Variants in UTP18 observed in about 807,000 individuals in gnomAD.
UTP18 encodes UTP18 small subunit processome component.
Under a neutral mutation model 61.1 loss-of-function variants are expected in UTP18, and 36 were observed. That is an observed-to-expected ratio of 0.59 (90% CI 0.45 to 0.78). The LOEUF (loss-of-function observed/expected upper bound fraction) is 0.78. UTP18 is among the 30% of genes least tolerant of loss of function. UTP18 has a pLI of 0.00. For missense variants in UTP18, 753 were observed against 693.9 expected, an observed-to-expected ratio of 1.09 and a Z score of -0.96; for synonymous variants, 282 against 251.1, an observed-to-expected ratio of 1.12 and a Z score of -1.16.
chr17:51,261,767 A>T (rs568962791), intron 1 of UTP18, among the ~76,000 whole-genome samples: 7 of 152,108 alleles, frequency 4.6e-5, no homozygotes, highest in African/African-American at 1.4e-4. Flanking sequence ...GGGCAGAGGA[A>T]AGCTCACCGA....
At chr17:51,261,030 G>A (rs951877776) in intron 1 of UTP18, 104 bp downstream of exon 1, 62 of 1,110,108 alleles carry the variant, frequency 5.6e-5, no homozygotes, top group Non-Finnish European at 7.0e-5. Context: ...GCGGCGGGGA[G>A]CGCTCAGGTG....
chr17:51,269,864 T>TGTGTCA (rs1904455189), intron 4 of UTP18, among the ~76,000 whole-genome samples: 3 of 151,898 alleles, frequency 2.0e-5, no homozygotes, highest in African/African-American at 7.3e-5. Context: ...TGTGTGTGTG[T>TGTGTCA]GTGTGTCAGT....
At chr17:51,269,227 C>T (rs183383425) in intron 4 of UTP18, among the ~76,000 whole-genome samples, 39 of 121,958 alleles carry the variant, frequency 3.2e-4, no homozygotes, top group Non-Finnish European at 4.9e-4. Context: ...GACTAGGGTG[C>T]AATAACCTGT....
intron 11 of UTP18, among the ~76,000 whole-genome samples, chr17:51,289,330 G>A (rs1447282112): frequency 2.0e-5 from 3 of 151,214 alleles, no homozygotes; most frequent in African/African-American, 7.3e-5. Context: ...CTGAGTAGCT[G>A]GGATTATAGG....
rs115113339 is a variant in UTP18, at chr17:51,271,707, G to T, written c.623-1655G>T. The stretch of plus-strand genomic sequence containing the variant: ...TTTTTTGAGTTAGTCTTGCTCTGTC[G>T]TGTAGGCTGGAGTGCAGTGGCACTA... On this transcript the variant is annotated intron_variant, in intron 4 of 13. Transcript: ENST00000225298. Among the ~76,000 whole-genome samples the T allele has an allele frequency of 3.5e-3, 537 of 152,218 alleles. 6 individuals are homozygous for T. Among genetic ancestry groups the T allele is most frequent in the African/African-American group, 0.012 (491 of 41,538 alleles).
chr17:51,282,877 T>C (rs1340918833), intron 9 of UTP18, among the ~76,000 whole-genome samples: 145 of 110,346 alleles, frequency 1.3e-3, no homozygotes, highest in African/African-American at 8.2e-3. Context: ...CTTTTTTTTT[T>C]TTTTTTTTTG....
At chr17:51,270,297 T>C (rs1904483601) in intron 4 of UTP18, among the ~76,000 whole-genome samples, 1 of 152,230 alleles carries the variant, frequency 6.6e-6, no homozygotes, top group Non-Finnish European at 1.5e-5. Context: ...GAAGCCTCTT[T>C]CCATGTTTGT....
At chr17:51,281,164 A>ATATAT (rs59857038) in intron 9 of UTP18, among the ~76,000 whole-genome samples, 6,509 of 140,270 alleles carry the variant, frequency 0.046, 239 homozygotes, top group Middle Eastern at 0.083. Context: ...ATATATATAT[A>ATATAT]TTTTTTTTAA....
chr17:51,267,993 TTTTTTTGTTTTTTG>T (rs934712351), intron 3 of UTP18, among the ~76,000 whole-genome samples: 2 of 144,460 alleles, frequency 1.4e-5, no homozygotes, highest in African/African-American at 5.2e-5. Flanking sequence ...CCAGTTGTTG[TTTTTTTGTTTTTTG>T]TTTTTTGTTT....
chr17:51,264,649 G>C (rs973007867), intron 2 of UTP18, among the ~76,000 whole-genome samples: 44 of 149,614 alleles, frequency 2.9e-4, no homozygotes, highest in Non-Finnish European at 5.3e-4. Flanking sequence ...TCTCTACCTA[G>C]TTTGTTTTGA....
rs921697379 is a variant in UTP18 at position 51,288,130 on chromosome 17, C to T, written c.1430C>T (p.Thr477Ile). The change falls in exon 11 of 14, where the codon ACT becomes ATT. Residue 477 changes from threonine to isoleucine, a missense_variant. Coordinates refer to ENST00000225298, the MANE Select transcript of UTP18 (RefSeq NM_016001.3). ...ATAATGAACTTGGTTACAGGTGTTA[C>T]TTCTCTGACCTTCAATCCTACTACA... Reference protein sequence around the residue: ...KAIMNLVTGVTSLTFNPTTEI... With the variant: ...KAIMNLVTGVISLTFNPTTEI... 2 of 1,609,660 alleles carry T rather than the reference C, an allele frequency of 1.2e-6. No individual in the cohort carries two copies. The highest frequency in any genetic ancestry group is 2.7e-5 in the African/African-American group (2 of 74,694).
At chr17:51,275,774 C>A in intron 5 of UTP18, 92 bp from the exon 6 acceptor site, 8 of 1,087,324 alleles carry the variant, frequency 7.4e-6, no homozygotes, top group African/African-American at 1.7e-5. Context: ...TTTTTTCCTT[C>A]ATTATAAACT....
chr17:51,281,045 G>T (rs1443468817), intron 9 of UTP18, among the ~76,000 whole-genome samples: 1 of 151,418 alleles, frequency 6.6e-6, no homozygotes, highest in Non-Finnish European at 1.5e-5. Flanking sequence ...AGGCATGCTG[G>T]CGCTCGCCTG....
At chr17:51,273,271 A>G in intron 4 of UTP18, 91 bp from the exon 5 acceptor site, 1 of 846,016 alleles carries the variant, frequency 1.2e-6, no homozygotes, top group Non-Finnish European at 1.7e-6. Context: ...AAGGGAGTTG[A>G]TGTTGAAAAT....
chr17:51,268,240 A>G (rs1034053614), intron 3 of UTP18, among the ~76,000 whole-genome samples: 3 of 152,000 alleles, frequency 2.0e-5, no homozygotes, highest in South Asian at 4.2e-4. Context: ...GTTAGCCAGG[A>G]TGGTCTCAAT....
intron 4 of UTP18, among the ~76,000 whole-genome samples, chr17:51,271,446 A>C: frequency 6.6e-6 from 1 of 152,026 alleles, no homozygotes; most frequent in Non-Finnish European, 1.5e-5. Flanking sequence ...AGCTAGGACT[A>C]CAGGCATGTG....
At chr17:51,293,400 C>T (rs1412877017) in intron 11 of UTP18, among the ~76,000 whole-genome samples, 1 of 152,054 alleles carries the variant, frequency 6.6e-6, no homozygotes, top group Non-Finnish European at 1.5e-5. Flanking sequence ...GAGAAATTAT[C>T]TGATGGGTAC....
intron 12 of UTP18, chr17:51,296,688 T>G (rs1005447132): frequency 3.1e-6 from 1 of 318,714 alleles, no homozygotes; most frequent in Non-Finnish European, 5.7e-6. Flanking sequence ...TGACTGGAAT[T>G]GACTGATGAC....
rs1458676647 is a variant in UTP18, at chr17:51,260,800, C to T, written c.216C>T (p.Leu72=). The part of the protein sequence containing the change: ...AVAAAEEERR[L]RQRNRLRLEE... ...CGGCGGCGGAGGAAGAGAGACGGCT[C>T]CGGCAGCGGAACCGCCTGAGGCTGG... Residue 72 remains leucine (L), a synonymous_variant, in exon 1 of 14, where the codon CTC becomes CTT. Transcript: ENST00000225298. The T allele has an allele frequency of 1.0e-5, 16 of 1,582,316 alleles. No homozygotes were observed. The highest frequency in any genetic ancestry group is 1.4e-5 in the Non-Finnish European group (16 of 1,165,706).
Sources: gnomAD v4.1 joint callset for allele counts (sites outside exome capture counted in the v4.1 genomes callset) on GRCh38, gnomAD v4.1.1 for gene constraint, MANE v1.5 for transcripts, NCBI Gene and HGNC (gene_info 2026-07-23, HGNC 2026-07-21) for gene names.